The following KIRREL3 variants were observed in gnomAD, a reference collection of about 807,000 sequenced individuals.
KIRREL3 encodes the protein kirre like nephrin family adhesion molecule 3.
KIRREL3 carries 36 observed loss-of-function variants against 89.7 expected under a neutral mutation model. The observed-to-expected ratio is 0.40, with a 90% CI of 0.31 to 0.53. KIRREL3 has a LOEUF of 0.53. Among genes scored for constraint, KIRREL3 ranks in the 20% least tolerant of loss-of-function variants. KIRREL3 has a pLI of 0.49. For synonymous variants in KIRREL3, 445 were observed against 441.4 expected, an observed-to-expected ratio of 1.01 and a Z score of -0.10; for missense variants, 864 against 1,056.6, an observed-to-expected ratio of 0.82 and a Z score of 2.53.
In KIRREL3 at chr11:126,651,499, T is replaced by C. The variant is rs1944906089; in HGVS notation, c.56-88587A>G. Among the ~76,000 whole-genome samples the C allele has an allele frequency of 1.3e-5, 2 of 152,250 alleles. No homozygotes were observed. The highest frequency in any genetic ancestry group is 1.5e-5 in the Non-Finnish European group (1 of 68,048). ...CAGGAGATGTCAGGTTAGTCTTAGT[T>C]ATCCTGGAGCCTAACTGGATCTTGG... On this transcript the variant is annotated intron_variant, in intron 1 of 16. Coordinates refer to ENST00000525144, the MANE Select transcript of KIRREL3 (RefSeq NM_032531.4). The surrounding 1 kb of genome is among the most constrained non-coding windows in gnomAD (Gnocchi z 4.6).
chr11:126,972,204 G>GAGA (rs1555110558), intron 1 of KIRREL3, among the ~76,000 whole-genome samples: 2 of 146,634 alleles, frequency 1.4e-5, no homozygotes, highest in South Asian at 2.2e-4. Flanking sequence ...GAGAGAGAGA[G>GAGA]GACTGTGCAT....
rs2135115300 is a variant in KIRREL3, at chr11:126,685,522, A to G, written c.56-122610T>C. Among the ~76,000 whole-genome samples, 1 of 152,314 alleles carries G rather than the reference A, an allele frequency of 6.6e-6. No individual in the cohort carries two copies. Among genetic ancestry groups the G allele is most frequent in the East Asian group, 1.9e-4 (1 of 5,178 alleles). Reference sequence around the variant, plus strand: ...ATAATAATAGCAGTGATAATTAATAATCTATAGTTAATGAGATTAAATTAA... The same window carrying G: ...ATAATAATAGCAGTGATAATTAATAGTCTATAGTTAATGAGATTAAATTAA... On this transcript the variant is annotated intron_variant, in intron 1 of 16. Coordinates refer to ENST00000525144, the MANE Select transcript of KIRREL3 (RefSeq NM_032531.4). This position sits in a 1 kb window ranked among gnomAD's most constrained non-coding sequence, Gnocchi z 5.5.
chr11:126,795,082 G>A lies in KIRREL3; in HGVS notation c.55+205373C>T, dbSNP rs1448848590. On this transcript the variant is annotated intron_variant, in intron 1 of 16. Transcript: ENST00000525144. The surrounding 1 kb of genome is among the most constrained non-coding windows in gnomAD (Gnocchi z 4.1). ...GTGTTTGCCAGGGGTTGGGCAGGAGGAGGAGGAGAGAGATGAATTGTGGAG... is the reference window on the plus strand; with the variant it reads ...GTGTTTGCCAGGGGTTGGGCAGGAGAAGGAGGAGAGAGATGAATTGTGGAG... 6.6e-6 allele frequency among the ~76,000 whole-genome samples: 1 copy of A among 152,222 alleles called. No homozygotes were observed. The highest frequency in any genetic ancestry group is 2.4e-5 in the African/African-American group (1 of 41,454).
intron 1 of KIRREL3, among the ~76,000 whole-genome samples, chr11:126,945,794 C>A (rs928015342): frequency 6.6e-6 from 1 of 152,146 alleles, no homozygotes; most frequent in African/African-American, 2.4e-5. Context: ...ATAAAGTCTG[C>A]GTTTTCCAAG....
At chr11:126,753,165 A>G (rs939355182) in intron 1 of KIRREL3, among the ~76,000 whole-genome samples, 2 of 152,220 alleles carry the variant, frequency 1.3e-5, no homozygotes, top group East Asian at 1.9e-4. Context: ...ATAGGCTAAA[A>G]GTTCCCCAGG....
intron 1 of KIRREL3, among the ~76,000 whole-genome samples, chr11:126,839,095 T>C (rs1179841119): frequency 6.6e-6 from 1 of 152,208 alleles, no homozygotes; most frequent in African/African-American, 2.4e-5. Context: ...CGATGAGCCA[T>C]GAAAAAGTTT....
intron 2 of KIRREL3, among the ~76,000 whole-genome samples, chr11:126,529,499 G>A (rs1164147688): frequency 1.3e-5 from 2 of 151,684 alleles, no homozygotes; most frequent in Middle Eastern, 3.2e-3. Context: ...AGCATCTCCC[G>A]ATGCCATCTG....
At chr11:126,922,651 G>A (rs1592365951) in intron 1 of KIRREL3, among the ~76,000 whole-genome samples, 2 of 151,964 alleles carry the variant, frequency 1.3e-5, no homozygotes, top group East Asian at 1.9e-4. Flanking sequence ...AGTAGGGAAA[G>A]TCTCTAAATT....
rs58515789 is a variant in KIRREL3, at chr11:126,462,360, C to G, written c.742+797G>C. Among the ~76,000 whole-genome samples, 50 of 152,288 alleles carry G rather than the reference C, an allele frequency of 3.3e-4. No individual in the cohort carries two copies. In the East Asian group the frequency reaches 7.5e-3, roughly 23 times the overall value. On this transcript the variant is annotated intron_variant, in intron 6 of 16. Coordinates refer to ENST00000525144, the MANE Select transcript of KIRREL3 (RefSeq NM_032531.4). This position sits in a 1 kb window ranked among gnomAD's most constrained non-coding sequence, Gnocchi z 4.8. ...GGACCACAGTTGCACCTTCTCCAAA[C>G]AGTTGTTGTAAAGATTAAATAAGGC...
chr11:126,455,632 C>CAAA lies in KIRREL3; in HGVS notation c.848+714_848+716dup, dbSNP rs71048789. On this transcript the variant is annotated intron_variant, in intron 7 of 16. Transcript: ENST00000525144. The surrounding 1 kb of genome is among the most constrained non-coding windows in gnomAD (Gnocchi z 6.4). ...TGAAACGCTGTCTCTACTAAAAATA[C>CAAA]AAAAAAAAAAAAAAATTAGCTGGCG... Among the ~76,000 whole-genome samples the CAAA allele has an allele frequency of 3.5e-5, 5 of 142,940 alleles. No homozygotes were observed. The highest frequency in any genetic ancestry group is 1.3e-4 in the African/African-American group (5 of 38,256). The allele number at this position is 142,940 out of a possible 152,430, so 93.8% of individuals were successfully genotyped here.
rs1035239190 is a variant in KIRREL3 at position 126,435,357 on chromosome 11, G to A, written c.1553-54C>T. The A allele has an allele frequency of 1.2e-5, 19 of 1,593,286 alleles. No homozygotes were observed. The African/African-American group carries it at 2.5e-4, about 21-fold the overall frequency. ...GCCAGGGCCTGGCTGGCCAGGGTGG[G>A]GTGGGACTGGGAATTAGCTGCTTGA... On this transcript the variant is annotated intron_variant, in intron 12 of 16. Coordinates refer to ENST00000525144, the MANE Select transcript of KIRREL3 (RefSeq NM_032531.4).
rs147618237 is a variant in KIRREL3 at position 126,682,559 on chromosome 11, C to G, written c.56-119647G>C. 6.6e-6 allele frequency among the ~76,000 whole-genome samples: 1 copy of G among 152,256 alleles called. No homozygotes were observed. Among genetic ancestry groups the G allele is most frequent in the Non-Finnish European group, 1.5e-5 (1 of 68,014 alleles). On this transcript the variant is annotated intron_variant, in intron 1 of 16. Coordinates refer to ENST00000525144, the MANE Select transcript of KIRREL3 (RefSeq NM_032531.4). The surrounding 1 kb of genome is among the most constrained non-coding windows in gnomAD (Gnocchi z 4.8). Reference sequence around the variant, plus strand: ...ATTTTTTAAAGACAGTGGTCCCCAGCATTTTTGGCACCAGGGACAGGTTTC... The same window carrying G: ...ATTTTTTAAAGACAGTGGTCCCCAGGATTTTTGGCACCAGGGACAGGTTTC...
Position 126,711,757 on chromosome 11 carries a change from A to G in KIRREL3, c.56-148845T>C, listed in dbSNP as rs1285550630. 2.6e-5 allele frequency among the ~76,000 whole-genome samples: 4 copies of G among 152,310 alleles called. No homozygotes were observed. The South Asian group carries it at 8.3e-4, about 32-fold the overall frequency. On this transcript the variant is annotated intron_variant, in intron 1 of 16. Coordinates refer to ENST00000525144, the MANE Select transcript of KIRREL3 (RefSeq NM_032531.4). ...GAATTTAGTAGGCTCAGGAATCTATATTTTTAACCAGTTCCCACTGTGCGA... is the reference window on the plus strand; with the variant it reads ...GAATTTAGTAGGCTCAGGAATCTATGTTTTTAACCAGTTCCCACTGTGCGA...
At position 126,996,644 on chromosome 11, in the gene KIRREL3, A is replaced by G. The variant is rs1180629277; in HGVS notation, c.55+3811T>C. Reference sequence around the variant, plus strand: ...TATTCCCTAGGAGATTCAGATCACCATGACCCTCTGCCCTCTGACAGCTGC... The same window carrying G: ...TATTCCCTAGGAGATTCAGATCACCGTGACCCTCTGCCCTCTGACAGCTGC... On this transcript the variant is annotated intron_variant, in intron 1 of 16. Coordinates refer to ENST00000525144, the MANE Select transcript of KIRREL3 (RefSeq NM_032531.4). The surrounding 1 kb of genome is among the most constrained non-coding windows in gnomAD (Gnocchi z 4.7). 6.6e-6 allele frequency among the ~76,000 whole-genome samples: 1 copy of G among 152,132 alleles called. No individual in the cohort carries two copies. Among genetic ancestry groups the G allele is most frequent in the South Asian group, 2.1e-4 (1 of 4,820 alleles).
At chr11:126,591,320 C>T (rs1027563784) in intron 1 of KIRREL3, among the ~76,000 whole-genome samples, 13 of 152,190 alleles carry the variant, frequency 8.5e-5, no homozygotes, top group Admixed American at 3.9e-4. Flanking sequence ...CAGGTGTATT[C>T]CACAGGTAAC....
At position 126,568,844 on chromosome 11, in the gene KIRREL3, T is replaced by C. The variant is rs1246495952; in HGVS notation, c.56-5932A>G. 6.6e-6 allele frequency among the ~76,000 whole-genome samples: 1 copy of C among 152,160 alleles called. No homozygotes were observed. The highest frequency in any genetic ancestry group is 1.5e-5 in the Non-Finnish European group (1 of 68,032). On this transcript the variant is annotated intron_variant, in intron 1 of 16. Coordinates refer to ENST00000525144, the MANE Select transcript of KIRREL3 (RefSeq NM_032531.4). The surrounding 1 kb of genome is among the most constrained non-coding windows in gnomAD (Gnocchi z 4.6). ...ATTCTACCCCCCTCGTTTTTTTCTT[T>C]TTCAGATATGAAAGTGGAGATGCAG...
chr11:126,790,206 C>T (rs1950595779), intron 1 of KIRREL3, among the ~76,000 whole-genome samples: 1 of 152,190 alleles, frequency 6.6e-6, no homozygotes, highest in African/African-American at 2.4e-5. Flanking sequence ...TCTCTTTCCG[C>T]AATCTGAGGT....
At chr11:126,842,955 T>A (rs1592209829) in intron 1 of KIRREL3, among the ~76,000 whole-genome samples, 1 of 151,952 alleles carries the variant, frequency 6.6e-6, no homozygotes, top group Non-Finnish European at 1.5e-5. Context: ...ACAGATTTTT[T>A]TTTTTCTTTC....
Position 126,946,501 on chromosome 11 carries a change from A to G in KIRREL3, c.55+53954T>C, listed in dbSNP as rs1948623803. 6.6e-6 allele frequency among the ~76,000 whole-genome samples: 1 copy of G among 152,210 alleles called. No homozygotes were observed. The highest frequency in any genetic ancestry group is 6.5e-5 in the Admixed American group (1 of 15,282). ...AATGCCCATAAAATCTACAGACTAG[A>G]CTAGATGTTAAGTAAGGTGACTTTC... On this transcript the variant is annotated intron_variant, in intron 1 of 16. Transcript: ENST00000525144. This position sits in a 1 kb window ranked among gnomAD's most constrained non-coding sequence, Gnocchi z 4.1.
Sources: gnomAD v4.1 joint callset for allele counts (sites outside exome capture counted in the v4.1 genomes callset) on GRCh38, gnomAD v4.1.1 for gene constraint, Gnocchi (gnomAD v3.1) non-coding constraint, MANE v1.5 for transcripts, NCBI Gene and HGNC (gene_info 2026-07-23, HGNC 2026-07-21) for gene names.